Variants in C9 observed in about 807,000 individuals in gnomAD.
The protein encoded by C9 is complement C9.
Under a neutral mutation model 65.4 loss-of-function variants are expected in C9, and 63 were observed. The observed-to-expected ratio is 0.96, with a 90% CI of 0.79 to 1.19. The LOEUF is 1.19. Among genes scored for constraint, C9 ranks in the 50% most tolerant of loss-of-function variants. C9 has a pLI of 0.00. For synonymous variants in C9, 229 were observed against 227.9 expected, an observed-to-expected ratio of 1.00 and a Z score of -0.04; for missense variants, 744 against 670.1, an observed-to-expected ratio of 1.11 and a Z score of -1.22.
At chr5:39,339,809 A>G (rs537702819) in intron 4 of C9, among the ~76,000 whole-genome samples, 1 of 151,302 alleles carries the variant, frequency 6.6e-6, no homozygotes, top group South Asian at 2.1e-4. Flanking sequence ...ACAGGCACCC[A>G]CCACCATGCC....
chr5:39,349,773 C>T (rs1188797290), intron 1 of C9, among the ~76,000 whole-genome samples: 3 of 152,166 alleles, frequency 2.0e-5, no homozygotes, highest in African/African-American at 7.2e-5. Context: ...AGGACACTCT[C>T]TTCTCTTGGA....
intron 7 of C9, among the ~76,000 whole-genome samples, chr5:39,310,083 C>T (rs374126751): frequency 5.9e-5 from 9 of 152,140 alleles, no homozygotes; most frequent in Admixed American, 2.6e-4. Flanking sequence ...CACTCCCCCC[C>T]GGGAAAGCTT....
chr5:39,299,737 A>G (rs1467800536), intron 9 of C9, among the ~76,000 whole-genome samples: 1 of 152,108 alleles, frequency 6.6e-6, no homozygotes, highest in Non-Finnish European at 1.5e-5. Context: ...ATTGGTTTTC[A>G]TGGTGGTTTC....
At chr5:39,286,389 T>G (rs886562263) in intron 10 of C9, among the ~76,000 whole-genome samples, 1 of 151,970 alleles carries the variant, frequency 6.6e-6, no homozygotes, top group African/African-American at 2.4e-5. Context: ...CAATATATAC[T>G]GGAACAATTT....
intron 1 of C9, among the ~76,000 whole-genome samples, chr5:39,356,056 A>G (rs1320460969): frequency 6.6e-6 from 1 of 152,248 alleles, no homozygotes; most frequent in African/African-American, 2.4e-5. Flanking sequence ...AGATCAGCCC[A>G]TAACACTCAT....
chr5:39,309,341 G>A (rs1753437590), intron 7 of C9, among the ~76,000 whole-genome samples: 1 of 151,930 alleles, frequency 6.6e-6, no homozygotes, highest in Admixed American at 6.6e-5. Context: ...TATGAAAAAG[G>A]AAAGAAAAAA....
intron 9 of C9, among the ~76,000 whole-genome samples, chr5:39,303,071 C>T (rs1000001174): frequency 1.3e-5 from 2 of 152,086 alleles, no homozygotes; most frequent in Non-Finnish European, 1.5e-5. Flanking sequence ...TGCTATTGCT[C>T]TAGAAGAAAT....
At chr5:39,326,728 C>T (rs1380439323) in intron 5 of C9, among the ~76,000 whole-genome samples, 1 of 152,126 alleles carries the variant, frequency 6.6e-6, no homozygotes, top group African/African-American at 2.4e-5. Context: ...TGAGAAACAT[C>T]AACATAGGAC....
intron 10 of C9, among the ~76,000 whole-genome samples, chr5:39,288,373 A>G (rs894670151): frequency 6.6e-6 from 1 of 151,848 alleles, no homozygotes; most frequent in Non-Finnish European, 1.5e-5. Context: ...ACACATATAT[A>G]TGCAAAGTGT....
At chr5:39,328,096 A>T (rs1230385200) in intron 5 of C9, among the ~76,000 whole-genome samples, 2 of 152,214 alleles carry the variant, frequency 1.3e-5, no homozygotes, top group Non-Finnish European at 2.9e-5. Flanking sequence ...GTGGAGGCTT[A>T]GCAGAATGTC....
At chr5:39,327,487 G>T (rs1383805918) in intron 5 of C9, among the ~76,000 whole-genome samples, 1 of 152,158 alleles carries the variant, frequency 6.6e-6, no homozygotes, top group Non-Finnish European at 1.5e-5. Flanking sequence ...TGAGGGAAAT[G>T]AGTCTGTAAA....
intron 4 of C9, among the ~76,000 whole-genome samples, chr5:39,335,902 A>G (rs762990265): frequency 2.0e-5 from 3 of 152,154 alleles, no homozygotes; most frequent in Non-Finnish European, 2.9e-5. Context: ...AGAGACGGAA[A>G]TGGCATGTTA....
At chr5:39,303,572 A>G (rs1753321849) in intron 9 of C9, among the ~76,000 whole-genome samples, 1 of 150,252 alleles carries the variant, frequency 6.7e-6, no homozygotes, top group African/African-American at 2.4e-5. Context: ...TATAACATAT[A>G]TATTTTACCA....
At chr5:39,332,224 G>A (rs13359691) in intron 4 of C9, among the ~76,000 whole-genome samples, 4,565 of 152,208 alleles carry the variant, frequency 0.03, 215 homozygotes, top group African/African-American at 0.1. Flanking sequence ...AATATAACAT[G>A]TGCATGTAAT....
chr5:39,345,105 T>A (rs567212100), intron 1 of C9, among the ~76,000 whole-genome samples: 1 of 152,120 alleles, frequency 6.6e-6, no homozygotes, highest in African/African-American at 2.4e-5. Flanking sequence ...AGGAAGAAAC[T>A]GCATCAACTA....
At chr5:39,333,994 C>A (rs1046041558) in intron 4 of C9, among the ~76,000 whole-genome samples, 3 of 152,146 alleles carry the variant, frequency 2.0e-5, no homozygotes, top group Admixed American at 6.5e-5. Context: ...TGCCTTGGCC[C>A]CCCAAAGTGC....
intron 5 of C9, among the ~76,000 whole-genome samples, chr5:39,331,238 A>T (rs1482311190): frequency 6.6e-6 from 1 of 152,162 alleles, no homozygotes; most frequent in African/African-American, 2.4e-5. Context: ...GAGGAGTTTA[A>T]GGTGAGTGAA....
chr5:39,335,909 G>A (rs1231331734), intron 4 of C9, among the ~76,000 whole-genome samples: 2 of 152,108 alleles, frequency 1.3e-5, no homozygotes, highest in African/African-American at 4.8e-5. Flanking sequence ...GAAATGGCAT[G>A]TTATGAGGGT....
At chr5:39,316,148 A>G (rs943791535) in intron 5 of C9, 119 bp from the exon 6 acceptor site, 1 of 775,074 alleles carries the variant, frequency 1.3e-6, no homozygotes, top group Admixed American at 2.7e-5. Context: ...CAAAGGAGTT[A>G]AGAGCAAAAG....
Sources: allele counts gnomAD v4.1 joint callset (sites outside exome capture counted in the v4.1 genomes callset), GRCh38; gene constraint gnomAD v4.1.1; transcripts MANE v1.5; gene names NCBI Gene and HGNC (gene_info 2026-07-23, HGNC 2026-07-21).